The following PDE7A variants were observed in gnomAD, a reference collection of about 807,000 sequenced individuals.
PDE7A encodes the protein phosphodiesterase 7A.
In PDE7A, 39 loss-of-function variants were observed where a neutral mutation model predicts 64.3. The ratio of observed to expected loss-of-function variants is 0.61; its 90% CI spans 0.47 to 0.79. PDE7A has a LOEUF of 0.79. Ranked by LOEUF, PDE7A falls within the 30% of genes least tolerant of loss-of-function variation. The pLI is 0.00. For synonymous variants in PDE7A, 203 were observed against 206.8 expected (o/e 0.98, Z 0.16); for missense variants, 470 against 582.8 (o/e 0.81, Z 1.99).
intron 7 of PDE7A, among the ~76,000 whole-genome samples, chr8:65,734,177 C>G (rs1807026881): frequency 6.6e-6 from 1 of 152,172 alleles, no homozygotes; most frequent in Admixed American, 6.5e-5. Flanking sequence ...TTCTGCTCTA[C>G]ATTCCTCCTC....
chr8:65,804,539 GCT>G (rs1491414606), intron 1 of PDE7A, among the ~76,000 whole-genome samples: 40 of 131,744 alleles, frequency 3.0e-4, no homozygotes, highest in Non-Finnish European at 5.0e-4. Flanking sequence ...TCATTTTGTT[GCT>G]TTTTTTTTTT....
At chr8:65,754,857 C>A (rs1030098177) in intron 3 of PDE7A, among the ~76,000 whole-genome samples, 3 of 148,034 alleles carry the variant, frequency 2.0e-5, no homozygotes, top group Admixed American at 6.7e-5. Flanking sequence ...CCCATCTACT[C>A]GGGAGGCTGA....
chr8:65,740,647 G>A (rs569611870), intron 5 of PDE7A, among the ~76,000 whole-genome samples: 179 of 152,174 alleles, frequency 1.2e-3, no homozygotes, highest in Non-Finnish European at 2.3e-3. Context: ...TGATCCGCCC[G>A]CCTCGGCCTC....
chr8:65,761,809 A>G (rs891259082), intron 3 of PDE7A, among the ~76,000 whole-genome samples: 1 of 152,322 alleles, frequency 6.6e-6, no homozygotes, highest in South Asian at 2.1e-4. Flanking sequence ...TCCCCTCCTC[A>G]TATTAGAAAG....
At chr8:65,802,187 G>A (rs1015169440) in intron 1 of PDE7A, among the ~76,000 whole-genome samples, 2 of 152,160 alleles carry the variant, frequency 1.3e-5, no homozygotes, top group African/African-American at 4.8e-5. Context: ...GCAGGGAATA[G>A]CAAGTTATTG....
At chr8:65,830,719 T>G (rs1169696755) in intron 1 of PDE7A, among the ~76,000 whole-genome samples, 3 of 152,142 alleles carry the variant, frequency 2.0e-5, no homozygotes, top group Non-Finnish European at 4.4e-5. Context: ...CAGAGCATTA[T>G]GGACATACAC....
intron 1 of PDE7A, among the ~76,000 whole-genome samples, chr8:65,836,835 C>CA (rs1174895654): frequency 2.0e-5 from 3 of 152,164 alleles, no homozygotes; most frequent in Non-Finnish European, 4.4e-5. Flanking sequence ...TCAGATAGTG[C>CA]AAAAACATTT....
chr8:65,782,868 A>G, intron 1 of PDE7A, 25 bp from the exon 2 acceptor site: 2 of 1,303,606 alleles, frequency 1.5e-6, no homozygotes, highest in South Asian at 1.2e-5. Context: ...ACACATTATA[A>G]TACATGACAA....
At chr8:65,759,396 G>A (rs1003539980) in intron 3 of PDE7A, among the ~76,000 whole-genome samples, 4 of 152,186 alleles carry the variant, frequency 2.6e-5, no homozygotes, top group East Asian at 1.9e-4. Flanking sequence ...CCAGAATGAC[G>A]AGAACACCAA....
At chr8:65,827,620 G>C (rs1335688050) in intron 1 of PDE7A, among the ~76,000 whole-genome samples, 7 of 152,282 alleles carry the variant, frequency 4.6e-5, no homozygotes, top group Admixed American at 1.3e-4. Context: ...TGAATAGCAT[G>C]TATAACAGTG....
intron 1 of PDE7A, among the ~76,000 whole-genome samples, chr8:65,798,490 G>T (rs1809913334): frequency 6.6e-6 from 1 of 152,050 alleles, no homozygotes; most frequent in Non-Finnish European, 1.5e-5. Flanking sequence ...GATTACAGGT[G>T]TGAGCCACCT....
intron 3 of PDE7A, among the ~76,000 whole-genome samples, chr8:65,778,105 A>G (rs1300697591): frequency 6.6e-6 from 1 of 152,146 alleles, no homozygotes; most frequent in Non-Finnish European, 1.5e-5. Context: ...CCCTTTGACA[A>G]CCAGGGTTGG....
Position 65,839,920 on chromosome 8 carries a change from C to T in PDE7A, c.138+1451G>A, listed in dbSNP as rs193275487. ...TAATTGTATAAATAATCAGTGATTG[C>T]CTTTATTATTCAGACATAACTGGAA... On this transcript the variant is annotated intron_variant, in intron 1 of 12. Transcript: ENST00000401827. Among the ~76,000 whole-genome samples, 6 of 152,106 alleles carry T rather than the reference C, an allele frequency of 3.9e-5. 1 individual carries two copies. Among genetic ancestry groups the T allele is most frequent in the African/African-American group, 1.4e-4 (6 of 41,428 alleles).
In PDE7A at chr8:65,841,514, A is replaced by ACGCCCGCCCTGCCTCCGCGCGG. The variant is rs762532010; in HGVS notation, c.-28_-7dup. ...AGCTGGTAACACACTTCCATTGAAT[A>ACGCCCGCCCTGCCTCCGCGCGG]CGCCCGCCCTGCCTCCGCGCGGCGC... On this transcript the variant is annotated 5_prime_UTR_variant, in exon 1 of 13. Coordinates refer to ENST00000401827, the MANE Select transcript of PDE7A (RefSeq NM_001242318.3). 146 of 1,485,816 alleles carry ACGCCCGCCCTGCCTCCGCGCGG rather than the reference A, an allele frequency of 9.8e-5. No individual in the cohort carries two copies. Among genetic ancestry groups the ACGCCCGCCCTGCCTCCGCGCGG allele is most frequent in the Non-Finnish European group, 1.2e-4 (135 of 1,124,140 alleles). 92.0% of individuals were successfully genotyped at this position (1,485,816 alleles called of 1,614,324 possible).
intron 1 of PDE7A, among the ~76,000 whole-genome samples, chr8:65,801,172 A>C (rs1490254148): frequency 6.6e-6 from 1 of 152,082 alleles, no homozygotes; most frequent in East Asian, 1.9e-4. Flanking sequence ...AAACACACCA[A>C]AACAAAATCT....
At chr8:65,806,417 G>T (rs767730422) in intron 1 of PDE7A, among the ~76,000 whole-genome samples, 3 of 152,158 alleles carry the variant, frequency 2.0e-5, no homozygotes, top group Admixed American at 2.0e-4. Context: ...TGATAAAAAA[G>T]TGCTGGAATT....
At chr8:65,823,541 T>C (rs1036749680) in intron 1 of PDE7A, among the ~76,000 whole-genome samples, 9 of 152,182 alleles carry the variant, frequency 5.9e-5, no homozygotes, top group African/African-American at 2.2e-4. Context: ...AGGGGGAGAT[T>C]ATGTGTGGCA....
At position 65,715,707 on chromosome 8, in the gene PDE7A, C is replaced by T. The variant is rs576090669; in HGVS notation, c.*3583G>A. Reference sequence around the variant, plus strand: ...AAATGTTCTTAAAAAATTAGCTGGCCGGGCACGGTGGCTCACGCCTGTAAT... The same window carrying T: ...AAATGTTCTTAAAAAATTAGCTGGCTGGGCACGGTGGCTCACGCCTGTAAT... On this transcript the variant is annotated 3_prime_UTR_variant, in exon 13 of 13. Coordinates refer to ENST00000401827, the MANE Select transcript of PDE7A (RefSeq NM_001242318.3). 4.0e-3 allele frequency among the ~76,000 whole-genome samples: 561 copies of T among 139,196 alleles called. 3 individuals are homozygous for T. The highest frequency in any genetic ancestry group is 0.013 in the African/African-American group (506 of 39,000). The allele number at this position is 139,196 out of a possible 152,430, so 91.3% of individuals were successfully genotyped here. A position where few individuals can be genotyped will look rare whatever the true frequency, so the allele number is the denominator to read the frequency against.
intron 2 of PDE7A, among the ~76,000 whole-genome samples, chr8:65,781,913 T>C (rs545802660): frequency 6.6e-6 from 1 of 152,112 alleles, no homozygotes; most frequent in South Asian, 2.1e-4. Flanking sequence ...AAATATGTAC[T>C]GGAGTAGAAA....
Sources: allele counts gnomAD v4.1 joint callset (sites outside exome capture counted in the v4.1 genomes callset), GRCh38; gene constraint gnomAD v4.1.1; transcripts MANE v1.5; gene names NCBI Gene and HGNC (gene_info 2026-07-23, HGNC 2026-07-21).